Variants in PDE4D observed in about 807,000 individuals in gnomAD.
PDE4D encodes 3',5'-cyclic-AMP phosphodiesterase 4D.
PDE4D carries 24 observed loss-of-function variants against 87.4 expected under a neutral mutation model. That is an observed-to-expected ratio of 0.27 (90% confidence interval 0.20 to 0.39). The LOEUF (loss-of-function observed/expected upper bound fraction) is 0.39, where lower values mean the gene tolerates loss of function less well. Ranked by LOEUF, PDE4D falls within the 10% of genes least tolerant of loss-of-function variation. The pLI, the probability that PDE4D is intolerant of heterozygous loss-of-function variation, is 1.00. For synonymous variants in PDE4D, 384 were observed against 383.2 expected (o/e 1.00, Z -0.02); for missense variants, 714 against 1,041.0 (o/e 0.69, Z 4.32).
chr5:59,784,838 C>T (rs1475652998), intron 1 of PDE4D, among the ~76,000 whole-genome samples: 2 of 152,092 alleles, frequency 1.3e-5, no homozygotes, highest in Non-Finnish European at 1.5e-5. Flanking sequence ...TTTCCCCATA[C>T]TGTTCTCATG....
At chr5:60,308,070 C>A (rs1410657268) in intron 1 of PDE4D, among the ~76,000 whole-genome samples, 1 of 152,074 alleles carries the variant, frequency 6.6e-6, no homozygotes, top group Non-Finnish European at 1.5e-5. Context: ...AAAAAGAAGT[C>A]ATTTTGTTCA....
chr5:59,274,749 T>A (rs1462291991), intron 1 of PDE4D, among the ~76,000 whole-genome samples: 1 of 152,084 alleles, frequency 6.6e-6, no homozygotes, highest in Non-Finnish European at 1.5e-5. Context: ...GAAACTGACA[T>A]ATTTTTTCAT....
intron 1 of PDE4D, among the ~76,000 whole-genome samples, chr5:59,724,138 A>C (rs1430493608): frequency 6.6e-6 from 1 of 152,042 alleles, no homozygotes; most frequent in East Asian, 1.9e-4. Flanking sequence ...GTGTTGGTTG[A>C]GGTTCACAGC....
At chr5:59,326,443 A>C (rs1581970444) in intron 1 of PDE4D, among the ~76,000 whole-genome samples, 1 of 152,034 alleles carries the variant, frequency 6.6e-6, no homozygotes, top group East Asian at 1.9e-4. Context: ...AGCCCCCCCC[A>C]AGACACATAT....
intron 8 of PDE4D, 98 bp from the exon 9 acceptor site, chr5:58,991,000 G>T: frequency 1.4e-6 from 1 of 719,828 alleles, no homozygotes; most frequent in Non-Finnish European, 2.3e-6. Flanking sequence ...ACCTTAGGTG[G>T]CCGGGCATAG....
At chr5:60,320,274 T>A (rs1229555224) in intron 1 of PDE4D, among the ~76,000 whole-genome samples, 3 of 152,244 alleles carry the variant, frequency 2.0e-5, no homozygotes, top group Admixed American at 2.0e-4. Flanking sequence ...CATAGGACCC[T>A]CTGAGCCATG....
chr5:60,520,393 C>G (rs1455668965), intron 1 of PDE4D, among the ~76,000 whole-genome samples: 1 of 152,182 alleles, frequency 6.6e-6, no homozygotes, highest in Admixed American at 6.5e-5. Context: ...GAATCCTTTG[C>G]CTGGGAGTGA....
chr5:60,329,375 A>G (rs1430112726), intron 1 of PDE4D, among the ~76,000 whole-genome samples: 1 of 152,142 alleles, frequency 6.6e-6, no homozygotes, highest in Non-Finnish European at 1.5e-5. Context: ...AAAGAAGGAC[A>G]TGTTTGCTTC....
At chr5:59,308,214 G>A (rs990991196) in intron 1 of PDE4D, among the ~76,000 whole-genome samples, 2 of 151,426 alleles carry the variant, frequency 1.3e-5, no homozygotes, top group African/African-American at 2.4e-5. Flanking sequence ...ACTGTTGTGG[G>A]GTGGGGGGAA....
In PDE4D at chr5:58,977,337, G is replaced by A; in HGVS notation, c.1561C>T (p.Leu521Phe). Reference sequence around the variant, plus strand: ...GAGGAATCATTGTACATCAAGGCAAGTTCAGAGTCTGTAAAAAAGACAAAA... The same window carrying A: ...GAGGAATCATTGTACATCAAGGCAAATTCAGAGTCTGTAAAAAAGACAAAA... ...NQFLINTNSE[L>F]ALMYNDSSVL... Residue 521 changes from leucine to phenylalanine, a missense_variant, in exon 12 of 15, where the codon CTT becomes TTT. Leu to Phe is a conservative substitution (Grantham distance 22). Transcript: ENST00000340635. The A allele has an allele frequency of 6.2e-7, 1 of 1,605,322 alleles. No individual in the cohort carries two copies. The highest frequency in any genetic ancestry group is 8.5e-7 in the Non-Finnish European group (1 of 1,177,900).
chr5:59,817,740 A>ACCC (rs1356310097), intron 1 of PDE4D, among the ~76,000 whole-genome samples: 23 of 127,196 alleles, frequency 1.8e-4, no homozygotes, highest in Non-Finnish European at 3.2e-4. Context: ...GCACACACCC[A>ACCC]CACCCCCCCC....
chr5:59,253,306 T>C (rs1296584282), intron 1 of PDE4D, among the ~76,000 whole-genome samples: 1 of 152,182 alleles, frequency 6.6e-6, no homozygotes, highest in East Asian at 1.9e-4. Flanking sequence ...AGGAATACAT[T>C]TTATGATTAA....
chr5:59,462,724 G>A (rs761340612), intron 1 of PDE4D, among the ~76,000 whole-genome samples: 2 of 152,110 alleles, frequency 1.3e-5, no homozygotes, highest in African/African-American at 2.4e-5. Flanking sequence ...TCAAAGATAC[G>A]TCTTAGGATT....
chr5:60,008,498 G>A (rs1291276539), intron 2 of PDE4D, among the ~76,000 whole-genome samples: 12 of 151,940 alleles, frequency 7.9e-5, no homozygotes, highest in Non-Finnish European at 1.5e-4. Context: ...TATTCTTCAC[G>A]TGACACAGTT....
At chr5:59,029,414 C>CTCAA (rs1756882885) in intron 6 of PDE4D, among the ~76,000 whole-genome samples, 1 of 16,594 alleles carries the variant, frequency 6.0e-5, no homozygotes. Context: ...GAGACTCCAT[C>CTCAA]ACAAAAAAAA....
At chr5:59,639,374 T>C (rs1023313789) in intron 1 of PDE4D, among the ~76,000 whole-genome samples, 4 of 152,150 alleles carry the variant, frequency 2.6e-5, no homozygotes, top group African/African-American at 9.7e-5. Flanking sequence ...TTTAGAAAGA[T>C]AGTTCTTGCT....
At chr5:59,796,892 A>G (rs1050621820) in intron 1 of PDE4D, among the ~76,000 whole-genome samples, 2 of 152,162 alleles carry the variant, frequency 1.3e-5, no homozygotes, top group Admixed American at 1.3e-4. Context: ...TTATGTACAA[A>G]GTGATTCTTT....
At chr5:59,920,505 A>AT (rs1380589320) in intron 3 of PDE4D, among the ~76,000 whole-genome samples, 1 of 152,002 alleles carries the variant, frequency 6.6e-6, no homozygotes, top group African/African-American at 2.4e-5. Context: ...AACAGGGAGT[A>AT]TTTTTTCGTC....
chr5:59,524,951 G>T (rs1278939831), intron 1 of PDE4D, among the ~76,000 whole-genome samples: 3 of 152,252 alleles, frequency 2.0e-5, no homozygotes, highest in African/African-American at 7.2e-5. Flanking sequence ...GTATGGAAAT[G>T]CCTGGATGTC....
Sources: allele counts gnomAD v4.1 joint callset (sites outside exome capture counted in the v4.1 genomes callset), GRCh38; gene constraint gnomAD v4.1.1; transcripts MANE v1.5; gene names NCBI Gene and HGNC (gene_info 2026-07-23, HGNC 2026-07-21).